The following KCNAB1 variants were observed in gnomAD, a reference collection of about 807,000 sequenced individuals.
KCNAB1 encodes voltage-gated potassium channel subunit beta-1.
Under a neutral mutation model 64.6 loss-of-function variants are expected in KCNAB1, and 35 were observed. The ratio of observed to expected loss-of-function variants is 0.54; its 90% CI spans 0.41 to 0.72. The LOEUF (loss-of-function observed/expected upper bound fraction) is 0.72, where lower values mean the gene tolerates loss of function less well. Ranked by LOEUF, KCNAB1 falls within the 30% of genes least tolerant of loss-of-function variation. The probability of loss-of-function intolerance (pLI) is 0.00; values close to 1 mark genes in which losing one functional copy is unlikely to be tolerated. For missense variants in KCNAB1, 401 were observed against 512.9 expected (o/e 0.78, Z 2.11); for synonymous variants, 177 against 183.8 (o/e 0.96, Z 0.30).
intron 8 of KCNAB1, among the ~76,000 whole-genome samples, chr3:156,511,205 G>A (rs1717185074): frequency 1.3e-5 from 2 of 152,176 alleles, no homozygotes; most frequent in African/African-American, 4.8e-5. Context: ...CCAGGTTCAT[G>A]CCATTCTCTT....
At chr3:156,300,930 A>G (rs914193739) in intron 1 of KCNAB1, among the ~76,000 whole-genome samples, 1 of 152,222 alleles carries the variant, frequency 6.6e-6, no homozygotes, top group Non-Finnish European at 1.5e-5. Context: ...TTTTTAACAT[A>G]GGAGGTTTAA....
intron 11 of KCNAB1, among the ~76,000 whole-genome samples, chr3:156,517,693 A>G (rs1717648786): frequency 6.6e-6 from 1 of 152,254 alleles, no homozygotes; most frequent in Non-Finnish European, 1.5e-5. Flanking sequence ...TCACAAACAG[A>G]ATGGATACAG....
At chr3:156,172,829 G>A (rs996942651) in intron 1 of KCNAB1, among the ~76,000 whole-genome samples, 4 of 152,198 alleles carry the variant, frequency 2.6e-5, no homozygotes, top group Admixed American at 6.5e-5. Flanking sequence ...GCTGGGTTTT[G>A]CTAGCCATGG....
chr3:156,354,831 C>T (rs1725129074), intron 1 of KCNAB1, among the ~76,000 whole-genome samples: 1 of 151,944 alleles, frequency 6.6e-6, no homozygotes, highest in Admixed American at 6.6e-5. Context: ...GGCGTTACAA[C>T]TTGCAATGTA....
intron 1 of KCNAB1, among the ~76,000 whole-genome samples, chr3:156,331,751 CA>C (rs2108046306): frequency 6.6e-6 from 1 of 152,170 alleles, no homozygotes; most frequent in Admixed American, 6.6e-5. Context: ...GTCTATTTCC[CA>C]AATTCTTTTA....
At chr3:156,337,697 A>C (rs1046696162) in intron 1 of KCNAB1, among the ~76,000 whole-genome samples, 1 of 152,208 alleles carries the variant, frequency 6.6e-6, no homozygotes, top group African/African-American at 2.4e-5. Context: ...ATCTGGGTTC[A>C]CACCTCTCTC....
intron 1 of KCNAB1, among the ~76,000 whole-genome samples, chr3:156,406,145 A>C (rs1714232119): frequency 6.6e-6 from 1 of 152,218 alleles, no homozygotes; most frequent in Admixed American, 6.5e-5. Flanking sequence ...CATTGGTATA[A>C]ATTCAGAGAG....
At chr3:156,151,835 A>AT (rs199695132) in intron 1 of KCNAB1, among the ~76,000 whole-genome samples, 2,641 of 152,194 alleles carry the variant, frequency 0.017, 47 homozygotes, top group South Asian at 0.032. Flanking sequence ...TCTTTGTGGC[A>AT]TTTTTTTACT....
intron 10 of KCNAB1, among the ~76,000 whole-genome samples, chr3:156,515,731 C>T (rs1418127275): frequency 6.6e-6 from 1 of 152,026 alleles, no homozygotes; most frequent in Non-Finnish European, 1.5e-5. Context: ...ATATAATATA[C>T]CCAAGAAATT....
intron 1 of KCNAB1, among the ~76,000 whole-genome samples, chr3:156,197,760 AT>A (rs1714050313): frequency 6.6e-6 from 1 of 151,826 alleles, no homozygotes; most frequent in Non-Finnish European, 1.5e-5. Flanking sequence ...ATATTCATTG[AT>A]TTTTGAAGGG....
intron 1 of KCNAB1, among the ~76,000 whole-genome samples, chr3:156,285,471 G>C (rs984101365): frequency 6.6e-5 from 10 of 151,162 alleles, no homozygotes; most frequent in African/African-American, 2.4e-4. Flanking sequence ...CCATGAAGAG[G>C]CCTGAACAAA....
intron 1 of KCNAB1, among the ~76,000 whole-genome samples, chr3:156,336,464 T>C (rs1464890170): frequency 2.0e-5 from 3 of 152,220 alleles, no homozygotes; most frequent in Non-Finnish European, 4.4e-5. Context: ...AAATACTCTT[T>C]CAAGCTAATC....
intron 1 of KCNAB1, among the ~76,000 whole-genome samples, chr3:156,379,953 G>C (rs183109273): frequency 2.0e-5 from 3 of 152,298 alleles, no homozygotes; most frequent in Admixed American, 6.5e-5. Context: ...TGAAATGGAA[G>C]AGTCAGGACT....
intron 8 of KCNAB1, among the ~76,000 whole-genome samples, chr3:156,482,097 G>A (rs1714858662): frequency 6.6e-6 from 1 of 152,160 alleles, no homozygotes; most frequent in Non-Finnish European, 1.5e-5. Context: ...AAGCCATGGA[G>A]TTGGCAGTGT....
chr3:156,262,784 A>G (rs79600518), intron 1 of KCNAB1, among the ~76,000 whole-genome samples: 7 of 151,878 alleles, frequency 4.6e-5, no homozygotes, highest in Non-Finnish European at 8.9e-5. Context: ...TCACTGGTGA[A>G]TTCTGAGCCT....
chr3:156,149,397 A>C (rs1323804604), intron 1 of KCNAB1, among the ~76,000 whole-genome samples: 1 of 152,182 alleles, frequency 6.6e-6, no homozygotes, highest in Non-Finnish European at 1.5e-5. Context: ...ATTGAAAAAA[A>C]GGGGAAGGAA....
chr3:156,176,340 G>C (rs987435648), intron 1 of KCNAB1: 2 of 836,772 alleles, frequency 2.4e-6, no homozygotes, highest in African/African-American at 3.3e-5. Flanking sequence ...CTAACACCTG[G>C]TACATGTTCT....
At chr3:156,314,269 G>A (rs924890648) in intron 1 of KCNAB1, among the ~76,000 whole-genome samples, 20 of 140,480 alleles carry the variant, frequency 1.4e-4, no homozygotes, top group Admixed American at 8.7e-4. Flanking sequence ...TGTTAGGTGC[G>A]GTGTCAAAAA....
chr3:156,350,238 G>C (rs1051989319), intron 1 of KCNAB1, among the ~76,000 whole-genome samples: 2 of 152,142 alleles, frequency 1.3e-5, no homozygotes, highest in Non-Finnish European at 2.9e-5. Flanking sequence ...GAGATAAAAA[G>C]CTGAGTTGAT....
Sources: allele counts gnomAD v4.1 joint callset (sites outside exome capture counted in the v4.1 genomes callset), GRCh38; gene constraint gnomAD v4.1.1; transcripts MANE v1.5; gene names NCBI Gene and HGNC (gene_info 2026-07-23, HGNC 2026-07-21).